CFAP299: variants seen among roughly 807,000 people sequenced by gnomAD.
CFAP299 encodes cilia and flagella associated protein 299.
Under a neutral mutation model 27.0 loss-of-function variants are expected in CFAP299, and 21 were observed. The ratio of observed to expected loss-of-function variants is 0.78; its 90% CI spans 0.55 to 1.12. CFAP299 has a LOEUF of 1.12. CFAP299 is among the 50% of genes most tolerant of loss of function. The probability of loss-of-function intolerance (pLI) is 0.00; values close to 1 mark genes in which losing one functional copy is unlikely to be tolerated. For missense variants in CFAP299, 310 were observed against 276.6 expected (o/e 1.12, Z -0.86); for synonymous variants, 104 against 98.1 (o/e 1.06, Z -0.36).
chr4:80,813,415 A>G (rs1435929399), intron 3 of CFAP299, among the ~76,000 whole-genome samples: 1 of 152,024 alleles, frequency 6.6e-6, no homozygotes, highest in East Asian at 1.9e-4. Flanking sequence ...ATATTAGATT[A>G]TTCAAAACAT....
At chr4:80,351,712 C>T (rs2109984936) in intron 1 of CFAP299, among the ~76,000 whole-genome samples, 1 of 151,548 alleles carries the variant, frequency 6.6e-6, no homozygotes. Flanking sequence ...TATGCTGTCC[C>T]ACCTTAAATA....
intron 3 of CFAP299, among the ~76,000 whole-genome samples, chr4:80,635,212 A>G (rs1739417768): frequency 6.6e-6 from 1 of 152,136 alleles, no homozygotes; most frequent in South Asian, 2.1e-4. Flanking sequence ...GACATTTCAG[A>G]TATAATTCCA....
At chr4:80,740,233 T>C (rs1043393592) in intron 3 of CFAP299, among the ~76,000 whole-genome samples, 8 of 152,236 alleles carry the variant, frequency 5.3e-5, no homozygotes, top group African/African-American at 1.9e-4. Flanking sequence ...TGTTGGTGTC[T>C]GGAAATTGAA....
At chr4:80,776,249 CTCA>C (rs1726533910) in intron 3 of CFAP299, among the ~76,000 whole-genome samples, 1 of 152,076 alleles carries the variant, frequency 6.6e-6, no homozygotes, top group African/African-American at 2.4e-5. Context: ...TTGCCAGAAG[CTCA>C]TCAACCTGCA....
chr4:80,922,598 A>G (rs758811394), intron 4 of CFAP299, among the ~76,000 whole-genome samples: 1 of 152,010 alleles, frequency 6.6e-6, no homozygotes, highest in Non-Finnish European at 1.5e-5. Flanking sequence ...GACCCAAAAT[A>G]AAACTAGATA....
chr4:80,674,048 A>G (rs1406480592), intron 3 of CFAP299, among the ~76,000 whole-genome samples: 1 of 152,068 alleles, frequency 6.6e-6, no homozygotes, highest in Non-Finnish European at 1.5e-5. Context: ...TTATGTGTGA[A>G]TTTGATCCTG....
intron 2 of CFAP299, among the ~76,000 whole-genome samples, chr4:80,383,415 T>C (rs868558447): frequency 1.3e-5 from 2 of 152,118 alleles, no homozygotes; most frequent in Non-Finnish European, 2.9e-5. Context: ...AACAAAACCA[T>C]TGAGCAGGTG....
intron 2 of CFAP299, among the ~76,000 whole-genome samples, chr4:80,404,419 AGTT>A (rs1726313629): frequency 6.6e-6 from 1 of 152,104 alleles, no homozygotes; most frequent in Non-Finnish European, 1.5e-5. Context: ...CCTTCATAGG[AGTT>A]GTTGTTCATA....
At chr4:80,690,520 A>C (rs890118754) in intron 3 of CFAP299, among the ~76,000 whole-genome samples, 1 of 151,706 alleles carries the variant, frequency 6.6e-6, no homozygotes, top group African/African-American at 2.4e-5. Flanking sequence ...AACATACCAG[A>C]ATCTCTGGGA....
At chr4:80,766,669 G>A (rs928891166) in intron 3 of CFAP299, among the ~76,000 whole-genome samples, 2 of 151,984 alleles carry the variant, frequency 1.3e-5, no homozygotes, top group Admixed American at 6.6e-5. Context: ...TTTACTATAC[G>A]ATACTAGTTC....
intron 2 of CFAP299, among the ~76,000 whole-genome samples, chr4:80,497,262 A>G (rs1731499054): frequency 6.6e-6 from 1 of 152,304 alleles, no homozygotes; most frequent in Non-Finnish European, 1.5e-5. Flanking sequence ...AGACTAAGAC[A>G]TTATCTCTAA....
At chr4:80,841,895 A>T (rs1164892771) in intron 3 of CFAP299, among the ~76,000 whole-genome samples, 2 of 152,134 alleles carry the variant, frequency 1.3e-5, no homozygotes, top group Non-Finnish European at 2.9e-5. Flanking sequence ...CTAGTATAAA[A>T]AAAAGGTCTT....
intron 3 of CFAP299, among the ~76,000 whole-genome samples, chr4:80,736,502 G>A (rs1469149117): frequency 6.6e-6 from 1 of 151,386 alleles, no homozygotes; most frequent in Non-Finnish European, 1.5e-5. Flanking sequence ...AGTGGGCGAA[G>A]GACATGAACA....
intron 3 of CFAP299, among the ~76,000 whole-genome samples, chr4:80,585,678 T>G (rs773184077): frequency 6.6e-5 from 10 of 152,122 alleles, no homozygotes; most frequent in Non-Finnish European, 7.4e-5. Context: ...GTTAATGTGA[T>G]CAGACATGCA....
At chr4:80,324,125 C>G in the CFAP299 span, among the ~76,000 whole-genome samples, 1 of 152,252 alleles carries the variant, frequency 6.6e-6, no homozygotes, top group East Asian at 1.9e-4. Flanking sequence ...TCCTAATGCT[C>G]TCACTCCCCT....
At chr4:80,482,334 T>A (rs1381555581) in intron 2 of CFAP299, among the ~76,000 whole-genome samples, 1 of 152,110 alleles carries the variant, frequency 6.6e-6, no homozygotes, top group African/African-American at 2.4e-5. Context: ...TATCATTTAT[T>A]TAATAACATC....
At chr4:80,450,797 A>G (rs772821289) in intron 2 of CFAP299, among the ~76,000 whole-genome samples, 1 of 152,006 alleles carries the variant, frequency 6.6e-6, no homozygotes, top group Non-Finnish European at 1.5e-5. Flanking sequence ...AACTTAATGA[A>G]ATAAATATAA....
At chr4:80,755,193 T>G (rs1365568692) in intron 3 of CFAP299, among the ~76,000 whole-genome samples, 1 of 152,066 alleles carries the variant, frequency 6.6e-6, no homozygotes, top group African/African-American at 2.4e-5. Flanking sequence ...AGAAATAATC[T>G]GAATGGAACA....
intron 3 of CFAP299, among the ~76,000 whole-genome samples, chr4:80,606,042 T>C (rs910582541): frequency 1.3e-5 from 2 of 152,190 alleles, no homozygotes; most frequent in East Asian, 1.9e-4. Flanking sequence ...CATCACTTGC[T>C]GTCTGAAGAG....
Sources: allele counts gnomAD v4.1 joint callset (sites outside exome capture counted in the v4.1 genomes callset), GRCh38; gene constraint gnomAD v4.1.1; transcripts MANE v1.5; gene names NCBI Gene and HGNC (gene_info 2026-07-23, HGNC 2026-07-21).